CREB5: variants seen among roughly 807,000 people sequenced by gnomAD.
CREB5 encodes cAMP responsive element binding protein 5.
Under a neutral mutation model 57.1 loss-of-function variants are expected in CREB5, and 19 were observed. The ratio of observed to expected loss-of-function variants is 0.33; its 90% CI spans 0.23 to 0.49. The LOEUF (loss-of-function observed/expected upper bound fraction) is 0.49, where lower values mean the gene tolerates loss of function less well. CREB5 is among the 20% of genes least tolerant of loss of function. CREB5 has a pLI of 0.99. For synonymous variants in CREB5, 238 were observed against 238.3 expected (o/e 1.00, Z 0.01); for missense variants, 579 against 671.6 (o/e 0.86, Z 1.52).
At chr7:28,480,808 A>G (rs1252816603) in intron 1 of CREB5, among the ~76,000 whole-genome samples, 1 of 152,244 alleles carries the variant, frequency 6.6e-6, no homozygotes, top group Non-Finnish European at 1.5e-5. Context: ...GACTTACTCA[A>G]CATTGCACCT....
intron 5 of CREB5, among the ~76,000 whole-genome samples, chr7:28,590,055 T>C (rs992412144): frequency 2.6e-5 from 4 of 152,062 alleles, no homozygotes; most frequent in Non-Finnish European, 5.9e-5. Flanking sequence ...TGTGGAGAAA[T>C]AGGAACACTT....
chr7:28,564,868 C>T (rs1178211828), intron 4 of CREB5, among the ~76,000 whole-genome samples: 10 of 152,138 alleles, frequency 6.6e-5, no homozygotes. Flanking sequence ...TTTGTAGGTC[C>T]ATGAATCAGA....
Position 28,717,086 on chromosome 7 carries a change from C to CTTTTTTTTTTTT in CREB5, c.465-1659_465-1648dup, listed in dbSNP as rs5883165. ...AATCTCTGCGGAAAGGCTTTATATTCTTTTTTTTTTTTTTTTTTTGAGATG... is the reference window on the plus strand; with the variant it reads ...AATCTCTGCGGAAAGGCTTTATATTCTTTTTTTTTTTTTTTTTTTTTTTTTTTTTTTGAGATG... On this transcript the variant is annotated intron_variant, in intron 5 of 10. Transcript: ENST00000357727. Among the ~76,000 whole-genome samples, 33 of 110,210 alleles carry CTTTTTTTTTTTT rather than the reference C, an allele frequency of 3.0e-4. 1 individual carries two copies. The highest frequency in any genetic ancestry group is 5.7e-4 in the African/African-American group (16 of 27,990). The allele number at this position is 110,210 out of a possible 152,430, so 72.3% of individuals were successfully genotyped here.
At chr7:28,723,339 A>C (rs1326816607) in intron 6 of CREB5, among the ~76,000 whole-genome samples, 3 of 152,200 alleles carry the variant, frequency 2.0e-5, no homozygotes, top group Admixed American at 6.5e-5. Context: ...GGAAGTAGAC[A>C]TTTTGCCGTA....
chr7:28,494,373 AT>A (rs535950833), intron 2 of CREB5, among the ~76,000 whole-genome samples: 1 of 152,132 alleles, frequency 6.6e-6, no homozygotes, highest in East Asian at 1.9e-4. Flanking sequence ...GACACAGCTC[AT>A]TTTTTTGTAT....
Position 28,820,418 on chromosome 7 carries a change from T to TA in CREB5, c.*1139_*1140insA, listed in dbSNP as rs1388889695. 1.3e-5 allele frequency: 2 copies of TA among 151,676 alleles called. No individual in the cohort carries two copies. The highest frequency in any genetic ancestry group is 1.5e-5 in the Non-Finnish European group (1 of 67,650). The allele number at this position is 151,676 out of a possible 1,614,324, so 9.4% of individuals were successfully genotyped here. On this transcript the variant is annotated 3_prime_UTR_variant, in exon 11 of 11. Coordinates refer to ENST00000357727, the MANE Select transcript of CREB5 (RefSeq NM_182898.4). ...GCTGCTAATAGCCTAAGATTTATTT[T>TA]TTTTTTTTTCTTAAGCCTATGGAAC...
At chr7:28,692,024 A>AAG (rs1033866351) in intron 5 of CREB5, among the ~76,000 whole-genome samples, 3 of 150,840 alleles carry the variant, frequency 2.0e-5, no homozygotes, top group African/African-American at 7.3e-5. Context: ...AAAAAAAAAA[A>AAG]AAAAACAACA....
At chr7:28,633,369 ATGTG>A (rs3041195) in intron 5 of CREB5, among the ~76,000 whole-genome samples, 52,642 of 150,862 alleles carry the variant, frequency 0.35, 9,314 homozygotes, top group East Asian at 0.46. Context: ...TCAATCATTC[ATGTG>A]TGTGTGTGTG....
At chr7:28,687,428 C>G (rs1050940088) in intron 5 of CREB5, among the ~76,000 whole-genome samples, 29 of 151,400 alleles carry the variant, frequency 1.9e-4, no homozygotes, top group Non-Finnish European at 1.9e-4. Flanking sequence ...ATCTCGTGTA[C>G]TCAGAGAGAG....
chr7:28,511,228 T>C (rs1159020274), intron 4 of CREB5, among the ~76,000 whole-genome samples: 1 of 150,744 alleles, frequency 6.6e-6, no homozygotes, highest in African/African-American at 2.4e-5. Flanking sequence ...GCATTGATGG[T>C]TAGTAGATGT....
chr7:28,493,309 C>CG (rs1233888754), intron 2 of CREB5, among the ~76,000 whole-genome samples: 2 of 152,134 alleles, frequency 1.3e-5, no homozygotes, highest in Non-Finnish European at 1.5e-5. Flanking sequence ...ATTGATAAAG[C>CG]GGATATTCTG....
chr7:28,306,561 T>G (rs113826614), intron 1 of CREB5, among the ~76,000 whole-genome samples: 6 of 132,994 alleles, frequency 4.5e-5, no homozygotes, highest in African/African-American at 1.7e-4. Flanking sequence ...TTTTGTTTTT[T>G]TTTTTTTTTT....
intron 1 of CREB5, among the ~76,000 whole-genome samples, chr7:28,336,056 G>A (rs775444827): frequency 3.3e-5 from 5 of 151,982 alleles, no homozygotes; most frequent in Non-Finnish European, 7.4e-5. Context: ...CCACTTGGTC[G>A]TGATGAATGA....
chr7:28,806,907 A>G (rs1808760403), intron 8 of CREB5, among the ~76,000 whole-genome samples: 1 of 152,252 alleles, frequency 6.6e-6, no homozygotes. Context: ...AGAGATTATA[A>G]TTCACAAAAG....
chr7:28,385,915 T>C (rs909149128), intron 1 of CREB5, among the ~76,000 whole-genome samples: 1 of 152,132 alleles, frequency 6.6e-6, no homozygotes, highest in African/African-American at 2.4e-5. Context: ...GTAGGAATCA[T>C]GGTCTCTGGC....
chr7:28,809,704 T>A (rs1031832743), intron 9 of CREB5, among the ~76,000 whole-genome samples: 1 of 152,214 alleles, frequency 6.6e-6, no homozygotes, highest in Non-Finnish European at 1.5e-5. Context: ...CAAACCATGG[T>A]TCAGCAATTA....
At chr7:28,659,627 GCCT>G (rs1430543664) in intron 5 of CREB5, among the ~76,000 whole-genome samples, 2 of 152,170 alleles carry the variant, frequency 1.3e-5, no homozygotes, top group Non-Finnish European at 2.9e-5. Context: ...TTTTTAAGCT[GCCT>G]CCTAATTTAA....
rs78425392 is a variant in CREB5, at chr7:28,640,695, G to T, written c.464+70158G>T. On this transcript the variant is annotated intron_variant, in intron 5 of 10. Transcript: ENST00000357727. ...GAAAATGAGCCTGGGAATTGGGAGTGTTGCCAGGACAGCATTTTAAAATTA... is the reference window on the plus strand; with the variant it reads ...GAAAATGAGCCTGGGAATTGGGAGTTTTGCCAGGACAGCATTTTAAAATTA... Among the ~76,000 whole-genome samples, 79 of 152,278 alleles carry T rather than the reference G, an allele frequency of 5.2e-4. 1 individual carries two copies. The East Asian group carries it at 0.015, about 28-fold the overall frequency.
chr7:28,629,374 G>T (rs960340567), intron 5 of CREB5, among the ~76,000 whole-genome samples: 5 of 152,168 alleles, frequency 3.3e-5, no homozygotes, highest in African/African-American at 1.2e-4. Context: ...GACGCCCAGC[G>T]TGCGGGTCAG....
Sources: gnomAD v4.1 joint callset for allele counts (sites outside exome capture counted in the v4.1 genomes callset) on GRCh38, gnomAD v4.1.1 for gene constraint, MANE v1.5 for transcripts, NCBI Gene and HGNC (gene_info 2026-07-23, HGNC 2026-07-21) for gene names.